Variants in CNTNAP2 observed in about 807,000 individuals in gnomAD.
CNTNAP2 encodes contactin-associated protein-like 2.
A neutral mutation model predicts 155.2 loss-of-function variants in CNTNAP2; 98 were observed. The observed-to-expected ratio is 0.63, with a 90% CI of 0.54 to 0.75. The LOEUF (loss-of-function observed/expected upper bound fraction) is 0.75. Among genes scored for constraint, CNTNAP2 ranks in the 30% least tolerant of loss-of-function variants. CNTNAP2 has a pLI of 0.00. For missense variants in CNTNAP2, 1,727 were observed against 1,688.1 expected, an observed-to-expected ratio of 1.02 and a Z score of -0.40; for synonymous variants, 651 against 631.2, an observed-to-expected ratio of 1.03 and a Z score of -0.47.
At position 146,925,124 on chromosome 7, in the gene CNTNAP2, A is replaced by G. The variant is rs571781264; in HGVS notation, c.402+85220A>G. On this transcript the variant is annotated intron_variant, in intron 3 of 23. Coordinates refer to ENST00000361727, the MANE Select transcript of CNTNAP2 (RefSeq NM_014141.6). The stretch of plus-strand genomic sequence containing the variant: ...AATTTCTCTGTTTTACACAGAGAAT[A>G]TAATAATATATGCACCCATATTGAC... Among the ~76,000 whole-genome samples, 8 of 152,262 alleles carry G rather than the reference A, an allele frequency of 5.3e-5. No homozygotes were observed. The South Asian group carries it at 1.0e-3, about 20-fold the overall frequency.
chr7:148,019,216 C>T (rs1457737511), intron 15 of CNTNAP2, among the ~76,000 whole-genome samples: 2 of 152,088 alleles, frequency 1.3e-5, no homozygotes, highest in Non-Finnish European at 2.9e-5. Flanking sequence ...TAGTGTGGTC[C>T]CAAATCACTC....
chr7:147,026,485 TTTTAC>T (rs1798921290), intron 3 of CNTNAP2, among the ~76,000 whole-genome samples: 1 of 152,142 alleles, frequency 6.6e-6, no homozygotes, highest in Admixed American at 6.5e-5. Flanking sequence ...TGTTTTAGAA[TTTTAC>T]TTATAGAATT....
chr7:147,101,992 C>T (rs1427248348), intron 4 of CNTNAP2, among the ~76,000 whole-genome samples: 1 of 152,060 alleles, frequency 6.6e-6, no homozygotes, highest in Non-Finnish European at 1.5e-5. Flanking sequence ...CTCTTGTCTC[C>T]TGTTCATATC....
chr7:147,781,605 T>C (rs910184827), intron 13 of CNTNAP2, among the ~76,000 whole-genome samples: 1 of 152,142 alleles, frequency 6.6e-6, no homozygotes, highest in African/African-American at 2.4e-5. Context: ...AAGAGGAGGA[T>C]CTATCAAAAG....
chr7:146,808,007 A>T (rs1005180351), intron 2 of CNTNAP2, among the ~76,000 whole-genome samples: 3 of 152,138 alleles, frequency 2.0e-5, no homozygotes, highest in African/African-American at 7.2e-5. Context: ...GAGAAATGAT[A>T]AGAGATGTCT....
At chr7:147,329,760 G>A (rs186506827) in intron 9 of CNTNAP2, among the ~76,000 whole-genome samples, 62 of 144,954 alleles carry the variant, frequency 4.3e-4, no homozygotes, top group Non-Finnish European at 5.9e-4. Context: ...AGTTCAGATC[G>A]CCATTTATAG....
intron 1 of CNTNAP2, among the ~76,000 whole-genome samples, chr7:146,406,401 C>T (rs1376072910): frequency 2.6e-5 from 4 of 152,212 alleles, no homozygotes; most frequent in South Asian, 2.1e-4. Flanking sequence ...AACTGCTTCT[C>T]TTCAGACATG....
intron 2 of CNTNAP2, among the ~76,000 whole-genome samples, chr7:146,832,666 T>C (rs1466518461): frequency 1.3e-5 from 2 of 149,198 alleles, no homozygotes; most frequent in Non-Finnish European, 3.0e-5. Flanking sequence ...TTTATAAATA[T>C]GTACGTGTGT....
At chr7:146,832,638 AATAT>A (rs1016806544) in intron 2 of CNTNAP2, among the ~76,000 whole-genome samples, 4 of 148,434 alleles carry the variant, frequency 2.7e-5, no homozygotes, top group African/African-American at 9.8e-5. Flanking sequence ...AATTTATATG[AATAT>A]ATACACTGTA....
intron 10 of CNTNAP2, among the ~76,000 whole-genome samples, chr7:147,397,912 T>TG (rs1433467237): frequency 2.6e-5 from 4 of 152,100 alleles, no homozygotes; most frequent in African/African-American, 7.2e-5. Flanking sequence ...TAGCCACCTG[T>TG]GACACATCTC....
chr7:146,278,005 G>A (rs764295050), intron 1 of CNTNAP2, among the ~76,000 whole-genome samples: 8 of 152,254 alleles, frequency 5.3e-5, no homozygotes, highest in African/African-American at 1.9e-4. Flanking sequence ...TAACGGGATC[G>A]AGCTATGGGC....
At chr7:147,304,610 G>T (rs1047760193) in intron 9 of CNTNAP2, among the ~76,000 whole-genome samples, 1 of 152,114 alleles carries the variant, frequency 6.6e-6, no homozygotes, top group Admixed American at 6.5e-5. Flanking sequence ...GAACTCAATG[G>T]GGAAGCAGGC....
chr7:148,336,790 T>A (rs1160699440), intron 21 of CNTNAP2, among the ~76,000 whole-genome samples: 1 of 152,248 alleles, frequency 6.6e-6, no homozygotes, highest in Non-Finnish European at 1.5e-5. Context: ...CTTTCATATG[T>A]TTTCAAATAT....
At chr7:147,548,450 G>T (rs540794827) in intron 11 of CNTNAP2, among the ~76,000 whole-genome samples, 1 of 151,656 alleles carries the variant, frequency 6.6e-6, no homozygotes, top group Non-Finnish European at 1.5e-5. Flanking sequence ...TTTTGATGGG[G>T]TTGTTTGATT....
At chr7:147,221,032 T>G (rs1803387284) in intron 8 of CNTNAP2, among the ~76,000 whole-genome samples, 1 of 152,082 alleles carries the variant, frequency 6.6e-6, no homozygotes, top group Non-Finnish European at 1.5e-5. Context: ...TTAATACTTT[T>G]TTTTTAAATT....
intron 4 of CNTNAP2, among the ~76,000 whole-genome samples, chr7:147,086,382 A>G (rs1800278887): frequency 6.6e-6 from 1 of 151,484 alleles, no homozygotes; most frequent in South Asian, 2.1e-4. Flanking sequence ...ATACATCCAC[A>G]GAAAATATGT....
intron 1 of CNTNAP2, among the ~76,000 whole-genome samples, chr7:146,171,067 G>A (rs1214696679): frequency 5.3e-5 from 8 of 152,022 alleles, no homozygotes; most frequent in African/African-American, 1.5e-4. Flanking sequence ...TTATTCATAT[G>A]TGTGGATATT....
chr7:148,205,376 T>C (rs1408955574), intron 18 of CNTNAP2, among the ~76,000 whole-genome samples: 1 of 152,230 alleles, frequency 6.6e-6, no homozygotes, highest in African/African-American at 2.4e-5. Context: ...CGCAGCAAAC[T>C]GTGAAGTTAG....
At chr7:147,029,210 G>C (rs193297031) in intron 3 of CNTNAP2, among the ~76,000 whole-genome samples, 5,216 of 152,004 alleles carry the variant, frequency 0.034, 154 homozygotes, top group Non-Finnish European at 0.046. Context: ...TGATCCACCC[G>C]CCTCGGCCTC....
Sources: allele counts gnomAD v4.1 joint callset (sites outside exome capture counted in the v4.1 genomes callset), GRCh38; gene constraint gnomAD v4.1.1; transcripts MANE v1.5; gene names NCBI Gene and HGNC (gene_info 2026-07-23, HGNC 2026-07-21).